The following SNTG1 variants were observed in gnomAD, a reference collection of about 807,000 sequenced individuals.
The protein encoded by SNTG1 is gamma-1-syntrophin.
In SNTG1, 39 loss-of-function variants were observed where a neutral mutation model predicts 74.7. The ratio of observed to expected loss-of-function variants is 0.52; its 90% CI spans 0.40 to 0.68. SNTG1 has a LOEUF of 0.68. Ranked by LOEUF, SNTG1 falls within the 30% of genes least tolerant of loss-of-function variation. The pLI, the probability that SNTG1 is intolerant of heterozygous loss-of-function variation, is 0.00. For missense variants in SNTG1, 685 were observed against 609.5 expected (o/e 1.12, Z -1.30); for synonymous variants, 254 against 217.1 (o/e 1.17, Z -1.49).
chr8:50,785,412 A>G (rs1178766196), intron 18 of SNTG1, among the ~76,000 whole-genome samples: 1 of 152,046 alleles, frequency 6.6e-6, no homozygotes, highest in Non-Finnish European at 1.5e-5. Flanking sequence ...AAACATTTAC[A>G]TAATTTAATG....
intron 18 of SNTG1, among the ~76,000 whole-genome samples, chr8:50,770,329 A>G (rs1432014001): frequency 2.0e-5 from 3 of 152,134 alleles, no homozygotes; most frequent in African/African-American, 7.2e-5. Flanking sequence ...AATGTTTGGA[A>G]TAACCATACA....
chr8:50,024,992 A>G (rs1005365014), intron 1 of SNTG1, among the ~76,000 whole-genome samples: 2 of 152,062 alleles, frequency 1.3e-5, no homozygotes, highest in Non-Finnish European at 2.9e-5. Flanking sequence ...ATTTAATATT[A>G]TTTTACCTCA....
chr8:50,704,831 A>G, intron 16 of SNTG1, 79 bp downstream of exon 16: 1 of 1,488,222 alleles, frequency 6.7e-7, no homozygotes, highest in South Asian at 1.2e-5. Flanking sequence ...TATCATTCCA[A>G]AGTAGTGTAA....
chr8:49,986,268 C>T (rs1318271905), intron 1 of SNTG1, among the ~76,000 whole-genome samples: 1 of 152,118 alleles, frequency 6.6e-6, no homozygotes, highest in Non-Finnish European at 1.5e-5. Flanking sequence ...CTTCCACTTT[C>T]CTGATAAAGG....
At chr8:50,626,780 C>T (rs1369644379) in intron 13 of SNTG1, among the ~76,000 whole-genome samples, 1 of 152,112 alleles carries the variant, frequency 6.6e-6, no homozygotes, top group Non-Finnish European at 1.5e-5. Flanking sequence ...GGTGTCATGG[C>T]CATCAGGAAC....
chr8:50,250,264 GA>G (rs963207974), intron 2 of SNTG1, among the ~76,000 whole-genome samples: 6 of 150,738 alleles, frequency 4.0e-5, no homozygotes, highest in African/African-American at 7.3e-5. Flanking sequence ...AACCCTATCA[GA>G]AAAAAATTTA....
intron 1 of SNTG1, among the ~76,000 whole-genome samples, chr8:50,167,316 A>T (rs971371690): frequency 3.4e-5 from 5 of 147,310 alleles, no homozygotes; most frequent in Admixed American, 2.7e-4. Context: ...AAATAAAAAA[A>T]ATAAAATAAA....
At chr8:50,553,896 C>T (rs770470200) in intron 12 of SNTG1, among the ~76,000 whole-genome samples, 1 of 152,064 alleles carries the variant, frequency 6.6e-6, no homozygotes, top group Non-Finnish European at 1.5e-5. Flanking sequence ...AGAAAAAGTA[C>T]TTGTCATCAT....
chr8:50,165,338 T>C (rs79241757), intron 1 of SNTG1, among the ~76,000 whole-genome samples: 1,563 of 152,324 alleles, frequency 0.01, 16 homozygotes, highest in Non-Finnish European at 0.016. Context: ...GAGATGAGGC[T>C]TTAGCAAACT....
At chr8:50,531,496 T>C (rs1257172661) in intron 10 of SNTG1, among the ~76,000 whole-genome samples, 1 of 152,206 alleles carries the variant, frequency 6.6e-6, no homozygotes, top group Non-Finnish European at 1.5e-5. Flanking sequence ...GTAATTGCTT[T>C]GCTCACCTTC....
intron 15 of SNTG1, among the ~76,000 whole-genome samples, chr8:50,698,309 C>T (rs544487847): frequency 1.5e-3 from 225 of 152,218 alleles, no homozygotes; most frequent in Non-Finnish European, 2.8e-3. Flanking sequence ...TCTCATGCCC[C>T]CATTTTTGGT....
intron 4 of SNTG1, among the ~76,000 whole-genome samples, 157 bp downstream of exon 4, chr8:50,402,501 G>C (rs976019799): frequency 5.9e-5 from 9 of 152,160 alleles, no homozygotes; most frequent in African/African-American, 1.9e-4. Flanking sequence ...CAGCGGCCCT[G>C]TACGAGAACC....
chr8:49,998,410 A>T (rs928399034), intron 1 of SNTG1, among the ~76,000 whole-genome samples: 8 of 152,152 alleles, frequency 5.3e-5, no homozygotes, highest in African/African-American at 1.4e-4. Context: ...GCCTGCTGTA[A>T]CTTTTTTACT....
chr8:50,616,811 G>T (rs567870634), intron 13 of SNTG1, among the ~76,000 whole-genome samples: 1 of 152,136 alleles, frequency 6.6e-6, no homozygotes, highest in Non-Finnish European at 1.5e-5. Context: ...GATTTACTCC[G>T]TAAGGCTTTA....
intron 3 of SNTG1, among the ~76,000 whole-genome samples, chr8:50,397,909 ATAAAT>A (rs1348286485): frequency 6.6e-6 from 1 of 152,226 alleles, no homozygotes; most frequent in Non-Finnish European, 1.5e-5. Flanking sequence ...AGGGAGAAAA[ATAAAT>A]TAATACTTCT....
At chr8:50,591,241 AC>A (rs1180336827) in intron 13 of SNTG1, among the ~76,000 whole-genome samples, 1 of 152,110 alleles carries the variant, frequency 6.6e-6, no homozygotes, top group Non-Finnish European at 1.5e-5. Flanking sequence ...TGGGAGACCT[AC>A]TTTTAATTTA....
chr8:50,024,008 A>G (rs1817048466), intron 1 of SNTG1, among the ~76,000 whole-genome samples: 1 of 152,114 alleles, frequency 6.6e-6, no homozygotes, highest in African/African-American at 2.4e-5. Flanking sequence ...AACCATTGCT[A>G]GGCTTTACTG....
chr8:50,556,225 C>T (rs193076775), intron 12 of SNTG1, among the ~76,000 whole-genome samples: 1 of 152,154 alleles, frequency 6.6e-6, no homozygotes, highest in East Asian at 1.9e-4. Context: ...AGGGTGAAGG[C>T]TTTAGGGACT....
intron 1 of SNTG1, among the ~76,000 whole-genome samples, chr8:50,079,859 G>GATGTGTGGT (rs1563562847): frequency 6.6e-6 from 1 of 152,142 alleles, no homozygotes. Flanking sequence ...GATGGTTGTA[G>GATGTGTGGT]ATGTGTGGTG....
Sources: allele counts gnomAD v4.1 joint callset (sites outside exome capture counted in the v4.1 genomes callset), GRCh38; gene constraint gnomAD v4.1.1; transcripts MANE v1.5; gene names NCBI Gene and HGNC (gene_info 2026-07-23, HGNC 2026-07-21).